Variants in CCDC146 observed in about 807,000 individuals in gnomAD.
CCDC146 encodes coiled-coil domain-containing protein 146.
In CCDC146, 92 loss-of-function variants were observed where a neutral mutation model predicts 119.3. The ratio of observed to expected loss-of-function variants is 0.77; its 90% CI spans 0.65 to 0.92. The LOEUF (loss-of-function observed/expected upper bound fraction) is 0.92, where lower values mean the gene tolerates loss of function less well. Among genes scored for constraint, CCDC146 ranks in the 40% least tolerant of loss-of-function variants. The probability of loss-of-function intolerance (pLI) is 0.00; values close to 1 mark genes in which losing one functional copy is unlikely to be tolerated. For synonymous variants in CCDC146, 372 were observed against 371.8 expected, an observed-to-expected ratio of 1.00 and a Z score of -0.01; for missense variants, 1,000 against 1,103.0, an observed-to-expected ratio of 0.91 and a Z score of 1.32.
intron 17 of CCDC146, among the ~76,000 whole-genome samples, chr7:77,290,935 G>T (rs1793932087): frequency 6.6e-6 from 1 of 152,188 alleles, no homozygotes; most frequent in South Asian, 2.1e-4. Context: ...TCATTTGCAT[G>T]TCCCAATTTA....
intron 2 of CCDC146, among the ~76,000 whole-genome samples, chr7:77,174,243 C>T (rs563799061): frequency 5.9e-5 from 9 of 152,262 alleles, no homozygotes; most frequent in East Asian, 1.9e-4. Flanking sequence ...TTATGCATGG[C>T]GGTAGTTTGA....
rs575880757 is a variant in CCDC146 at position 77,179,738 on chromosome 7, A to T, written c.156+11914A>T. On this transcript the variant is annotated intron_variant, in intron 2 of 18. Transcript: ENST00000285871. Reference sequence around the variant, plus strand: ...AAAAAAACCTTTGTGATAAAATTATACTATTTTAACTGTTTTTAAGTGTAC... The same window carrying T: ...AAAAAAACCTTTGTGATAAAATTATTCTATTTTAACTGTTTTTAAGTGTAC... Among the ~76,000 whole-genome samples the T allele has an allele frequency of 5.3e-5, 8 of 152,272 alleles. No homozygotes were observed. The East Asian group carries it at 1.5e-3, about 29-fold the overall frequency.
At chr7:77,199,871 C>G in intron 2 of CCDC146, 2 of 1,504,624 alleles carry the variant, frequency 1.3e-6, no homozygotes, top group Middle Eastern at 2.2e-4. Flanking sequence ...CTGAGTCAGG[C>G]TTTCTGTGTT....
intron 2 of CCDC146, among the ~76,000 whole-genome samples, chr7:77,221,386 A>G (rs1273144900): frequency 1.3e-5 from 2 of 152,250 alleles, no homozygotes; most frequent in Non-Finnish European, 2.9e-5. Context: ...CAACCAGTCC[A>G]TATGACCCAT....
Position 77,295,041 on chromosome 7 carries a change from T to G in CCDC146, c.*175T>G. 1 of 597,282 alleles carries G rather than the reference T, an allele frequency of 1.7e-6. No homozygotes were observed. The highest frequency in any genetic ancestry group is 3.0e-6 in the Non-Finnish European group (1 of 337,652). 37.0% of individuals were successfully genotyped at this position (597,282 alleles called of 1,614,324 possible). ...ATTTACCCACCAACTACTATACCTT[T>G]CATGACGTTGAATGGGACATAGAAC... On this transcript the variant is annotated 3_prime_UTR_variant, in exon 19 of 19. Transcript: ENST00000285871.
chr7:77,188,598 C>A (rs991349952), intron 2 of CCDC146, among the ~76,000 whole-genome samples: 2 of 152,180 alleles, frequency 1.3e-5, no homozygotes, highest in Non-Finnish European at 2.9e-5. Flanking sequence ...CAACACCCCA[C>A]TCTCCTAAGG....
chr7:77,207,536 G>A (rs1792102615), intron 2 of CCDC146, among the ~76,000 whole-genome samples: 1 of 152,244 alleles, frequency 6.6e-6, no homozygotes, highest in East Asian at 1.9e-4. Context: ...CAGCAAAATA[G>A]ACACAAATTG....
chr7:77,172,841 C>G (rs1329247048), intron 2 of CCDC146, among the ~76,000 whole-genome samples: 5 of 152,168 alleles, frequency 3.3e-5, no homozygotes, highest in African/African-American at 1.2e-4. Context: ...AAAAACCTAA[C>G]AAAATGCTTG....
chr7:77,226,218 A>G lies in CCDC146; in HGVS notation c.157-10729A>G, dbSNP rs577764165. ...TGTTTATTTCCAGCAGTGAGAGGGG[A>G]GCAGGCGAAAGGGAGATGAGAGTGG... On this transcript the variant is annotated intron_variant, in intron 2 of 18. Transcript: ENST00000285871. 7.2e-5 allele frequency among the ~76,000 whole-genome samples: 11 copies of G among 152,296 alleles called. 1 individual carries two copies. The highest frequency in any genetic ancestry group is 6.8e-3 in the Middle Eastern group (2 of 294).
At chr7:77,186,742 C>T (rs1468336629) in intron 2 of CCDC146, among the ~76,000 whole-genome samples, 1 of 152,152 alleles carries the variant, frequency 6.6e-6, no homozygotes, top group Admixed American at 6.5e-5. Flanking sequence ...ACGAATCAGG[C>T]AGCCCCCAAA....
chr7:77,237,200 G>A (rs898452556), intron 3 of CCDC146, 171 bp downstream of exon 3: 4 of 591,028 alleles, frequency 6.8e-6, no homozygotes, highest in South Asian at 3.7e-5. Context: ...GGGGAAGTGC[G>A]ACTGGGAAGG....
chr7:77,233,356 T>G (rs1792671314), intron 2 of CCDC146, among the ~76,000 whole-genome samples: 1 of 152,136 alleles, frequency 6.6e-6, no homozygotes, highest in Non-Finnish European at 1.5e-5. Flanking sequence ...CCTCCTAAAG[T>G]GCTGGGATTA....
rs1793572928 is a variant in CCDC146, at chr7:77,273,774, G to A, written c.1254G>A (p.Arg418=). 2.5e-6 allele frequency: 4 copies of A among 1,609,256 alleles called. No individual in the cohort carries two copies. The African/African-American group carries it at 5.3e-5, about 22-fold the overall frequency. ...ACAAGGAAGTTGAAGTAGCTAAGAG[G>A]AATTTGGCCCAACAGGTTAATATCA... ...ELHKEVEVAK[R]NLAQQKIISE... is the part of the protein sequence containing the mutation. Residue 418 remains arginine, a synonymous_variant, in exon 10 of 19, where the codon AGG becomes AGA. Coordinates refer to ENST00000285871, the MANE Select transcript of CCDC146 (RefSeq NM_020879.3).
intron 2 of CCDC146, among the ~76,000 whole-genome samples, chr7:77,214,630 C>T (rs1030533992): frequency 1.3e-5 from 2 of 151,872 alleles, no homozygotes; most frequent in Non-Finnish European, 1.5e-5. Context: ...CCAGGGGTAC[C>T]GTTTCATTCT....
At position 77,241,005 on chromosome 7, in the gene CCDC146, T is replaced by G. The variant is rs201141884; in HGVS notation, c.240-686T>G. Among the ~76,000 whole-genome samples, 32 of 148,844 alleles carry G rather than the reference T, an allele frequency of 2.1e-4. No individual in the cohort carries two copies. In the South Asian group the frequency reaches 6.8e-3, roughly 31 times the overall value. ...TTGTTTGTTTGTTTGTTTGTTTTTT[T>G]GGGTTTTTTTTTTTTGAGATGGAGT... On this transcript the variant is annotated intron_variant, in intron 3 of 18. Transcript: ENST00000285871.
intron 4 of CCDC146, among the ~76,000 whole-genome samples, chr7:77,249,864 G>GTGCTTGTTCT: frequency 6.6e-6 from 1 of 152,154 alleles, no homozygotes; most frequent in South Asian, 2.1e-4. Flanking sequence ...TCTATTTGTT[G>GTGCTTGTTCT]TGCTTGTTCT....
intron 2 of CCDC146, among the ~76,000 whole-genome samples, chr7:77,170,701 C>CT (rs1314030001): frequency 6.6e-6 from 1 of 152,134 alleles, no homozygotes; most frequent in African/African-American, 2.4e-5. Context: ...CTATAAGGAA[C>CT]TTAGACAAAT....
At chr7:77,249,397 A>T (rs1793014352) in intron 4 of CCDC146, among the ~76,000 whole-genome samples, 1 of 150,212 alleles carries the variant, frequency 6.7e-6, no homozygotes, top group South Asian at 2.1e-4. Flanking sequence ...CTGAGGCAGG[A>T]GATTCTCTTG....
chr7:77,213,036 A>AT (rs1487758836), intron 2 of CCDC146, among the ~76,000 whole-genome samples: 1 of 148,278 alleles, frequency 6.7e-6, no homozygotes, highest in African/African-American at 2.5e-5. Flanking sequence ...TTTTTATTAA[A>AT]TTTTTTATTG....
Sources: gnomAD v4.1 joint callset for allele counts (sites outside exome capture counted in the v4.1 genomes callset) on GRCh38, gnomAD v4.1.1 for gene constraint, MANE v1.5 for transcripts, NCBI Gene and HGNC (gene_info 2026-07-23, HGNC 2026-07-21) for gene names.